RALYL: variants seen among roughly 807,000 people sequenced by gnomAD.
The protein encoded by RALYL is RALY RNA binding protein like.
RALYL carries 29 observed loss-of-function variants against 35.1 expected under a neutral mutation model. That is an observed-to-expected ratio of 0.83 (90% CI 0.61 to 1.13). RALYL has a LOEUF of 1.13. RALYL is among the 50% of genes most tolerant of loss of function. The probability of loss-of-function intolerance (pLI) is 0.00; values close to 1 mark genes in which losing one functional copy is unlikely to be tolerated. For synonymous variants in RALYL, 120 were observed against 127.6 expected (o/e 0.94, Z 0.40); for missense variants, 359 against 360.4 (o/e 1.00, Z 0.03).
chr8:84,401,841 A>G (rs1269449012), intron 1 of RALYL, among the ~76,000 whole-genome samples: 1 of 148,632 alleles, frequency 6.7e-6, no homozygotes, highest in African/African-American at 2.5e-5. Flanking sequence ...TTTTTTTCTG[A>G]TAAGGACTTT....
intron 1 of RALYL, among the ~76,000 whole-genome samples, chr8:84,193,507 C>G (rs1162692532): frequency 1.3e-5 from 2 of 152,138 alleles, no homozygotes; most frequent in African/African-American, 4.8e-5. Context: ...TTTGTAAGTA[C>G]TGTGCTGGAG....
chr8:84,645,961 C>A (rs1330990195), intron 2 of RALYL, among the ~76,000 whole-genome samples: 1 of 151,938 alleles, frequency 6.6e-6, no homozygotes. Context: ...TTTGGAATTG[C>A]TCACACCAGT....
chr8:84,601,323 G>A (rs188126726), intron 2 of RALYL, among the ~76,000 whole-genome samples: 357 of 152,188 alleles, frequency 2.3e-3, no homozygotes, highest in African/African-American at 5.4e-3. Context: ...CTCAAAACCT[G>A]TGTTTCCCAA....
intron 1 of RALYL, among the ~76,000 whole-genome samples, chr8:84,507,216 A>T (rs1475360418): frequency 6.6e-6 from 1 of 152,140 alleles, no homozygotes; most frequent in African/African-American, 2.4e-5. Context: ...ATATAAAACT[A>T]CAATTATTTG....
chr8:84,305,717 G>T (rs1039591418), intron 1 of RALYL, among the ~76,000 whole-genome samples: 1 of 152,176 alleles, frequency 6.6e-6, no homozygotes, highest in Non-Finnish European at 1.5e-5. Context: ...AGGAAAACAA[G>T]TTGGTTGGTA....
chr8:84,523,806 C>T (rs1360469735), intron 1 of RALYL, among the ~76,000 whole-genome samples: 1 of 151,876 alleles, frequency 6.6e-6, no homozygotes. Flanking sequence ...GAGAATGATG[C>T]TTTCCAATTT....
At chr8:84,389,472 T>G (rs1860090372) in intron 1 of RALYL, among the ~76,000 whole-genome samples, 1 of 151,914 alleles carries the variant, frequency 6.6e-6, no homozygotes. Flanking sequence ...TTCCTACCCA[T>G]GAGCATGGAA....
At chr8:84,668,949 A>ACAAC (rs774342524) in intron 2 of RALYL, among the ~76,000 whole-genome samples, 6 of 150,706 alleles carry the variant, frequency 4.0e-5, no homozygotes, top group African/African-American at 1.5e-4. Flanking sequence ...GTTCAACAAC[A>ACAAC]CATCCATCCA....
chr8:84,531,200 G>C (rs1000507619), intron 2 of RALYL, among the ~76,000 whole-genome samples: 4 of 152,036 alleles, frequency 2.6e-5, no homozygotes, highest in Non-Finnish European at 5.9e-5. Context: ...CAAGTTAAAA[G>C]TATAGAGAAA....
At chr8:84,675,539 A>G (rs577333080) in intron 2 of RALYL, among the ~76,000 whole-genome samples, 62 of 152,302 alleles carry the variant, frequency 4.1e-4, no homozygotes, top group African/African-American at 1.4e-3. Context: ...TTATAAAATG[A>G]AATTTTAGGA....
intron 5 of RALYL, among the ~76,000 whole-genome samples, chr8:84,851,342 A>AAGTAAG (rs1835826838): frequency 6.6e-6 from 1 of 152,192 alleles, no homozygotes; most frequent in Non-Finnish European, 1.5e-5. Context: ...CAAAGTTTGG[A>AAGTAAG]CTTTATTAAA....
chr8:84,917,702 C>T (rs1848704907), intron 8 of RALYL, among the ~76,000 whole-genome samples: 1 of 151,708 alleles, frequency 6.6e-6, no homozygotes, highest in Non-Finnish European at 1.5e-5. Context: ...CCTAATGGAG[C>T]AGTTTCCTCC....
intron 1 of RALYL, among the ~76,000 whole-genome samples, chr8:84,291,490 A>C (rs941673300): frequency 6.6e-6 from 1 of 152,188 alleles, no homozygotes; most frequent in African/African-American, 2.4e-5. Flanking sequence ...CAAAAATATC[A>C]GTTGAATTAT....
chr8:84,351,296 C>T lies in RALYL; in HGVS notation c.-24+166872C>T, dbSNP rs138312628. On this transcript the variant is annotated intron_variant, in intron 1 of 8. Transcript: ENST00000521268. ...TCATATATTACTTTTCTGAAACTGT[C>T]ATGATATTAATATTATGTACTTATA... 1.6e-3 allele frequency among the ~76,000 whole-genome samples: 234 copies of T among 150,142 alleles called. 14 individuals are homozygous for T. The highest frequency in any genetic ancestry group is 0.014 in the Middle Eastern group (4 of 286).
At chr8:84,636,154 C>T (rs1267297251) in intron 2 of RALYL, among the ~76,000 whole-genome samples, 1 of 151,724 alleles carries the variant, frequency 6.6e-6, no homozygotes, top group African/African-American at 2.4e-5. Flanking sequence ...TTTCTAATTA[C>T]CAGGATTTAA....
chr8:84,628,967 C>T (rs1263856134), intron 2 of RALYL, among the ~76,000 whole-genome samples: 2 of 151,950 alleles, frequency 1.3e-5, no homozygotes, highest in African/African-American at 4.8e-5. Flanking sequence ...CAAAAAATAA[C>T]TGCCATTATA....
intron 4 of RALYL, among the ~76,000 whole-genome samples, chr8:84,827,670 C>A (rs1830007329): frequency 1.3e-5 from 2 of 151,986 alleles, no homozygotes; most frequent in Admixed American, 1.3e-4. Context: ...TATGGTATGA[C>A]AAATCCAGTA....
rs189929500 is a variant in RALYL, at chr8:84,329,879, C to G, written c.-24+145455C>G. 1.3e-4 allele frequency among the ~76,000 whole-genome samples: 20 copies of G among 152,102 alleles called. No individual in the cohort carries two copies. In the East Asian group the frequency reaches 3.5e-3, roughly 26 times the overall value. ...GATGCCTTCAGATGCAGGCCTGAGT[C>G]TGTTTTCAGTGGAACTCTGTTTTAT... On this transcript the variant is annotated intron_variant, in intron 1 of 8. Coordinates refer to ENST00000521268, the MANE Select transcript of RALYL (RefSeq NM_173848.7).
intron 1 of RALYL, among the ~76,000 whole-genome samples, chr8:84,306,518 A>C (rs544320531): frequency 6.6e-5 from 10 of 152,220 alleles, no homozygotes; most frequent in African/African-American, 2.4e-4. Context: ...ATAATTACCT[A>C]CAGTGCCTGA....
Sources: gnomAD v4.1 joint callset for allele counts (sites outside exome capture counted in the v4.1 genomes callset) on GRCh38, gnomAD v4.1.1 for gene constraint, MANE v1.5 for transcripts, NCBI Gene and HGNC (gene_info 2026-07-23, HGNC 2026-07-21) for gene names.